TAS2R1: variants seen among roughly 807,000 people sequenced by gnomAD.
The protein encoded by TAS2R1 is taste receptor type 2 member 1.
For missense variants in TAS2R1, 370 were observed against 353.4 expected, an observed-to-expected ratio of 1.05 and a Z score of -0.38; for synonymous variants, 141 against 134.2, an observed-to-expected ratio of 1.05 and a Z score of -0.35.
At chr5:9,683,359 A>G (rs1741062855) in intron 1 of TAS2R1, among the ~76,000 whole-genome samples, 2 of 152,200 alleles carry the variant, frequency 1.3e-5, no homozygotes, top group Non-Finnish European at 2.9e-5. Context: ...GATGATACTC[A>G]CTAGTCATAC....
At chr5:9,777,926 T>C in the TAS2R1 span, among the ~76,000 whole-genome samples, 1 of 146,606 alleles carries the variant, frequency 6.8e-6, no homozygotes, top group Non-Finnish European at 1.5e-5. Context: ...CAGGCCGGAC[T>C]GCGGACTGCA....
At chr5:9,687,636 C>T (rs1741154667) in intron 1 of TAS2R1, among the ~76,000 whole-genome samples, 1 of 152,142 alleles carries the variant, frequency 6.6e-6, no homozygotes, top group South Asian at 2.1e-4. Flanking sequence ...TGAGTTTTCA[C>T]TAACCGTACT....
At chr5:9,828,018 A>G in the TAS2R1 span, among the ~76,000 whole-genome samples, 1 of 152,102 alleles carries the variant, frequency 6.6e-6, no homozygotes, top group Admixed American at 6.6e-5. Context: ...TAGTACCTTC[A>G]TATTTCTGCA....
At chr5:9,823,063 A>G in the TAS2R1 span, among the ~76,000 whole-genome samples, 1 of 152,086 alleles carries the variant, frequency 6.6e-6, no homozygotes, top group South Asian at 2.1e-4. Context: ...AAAACAGAAC[A>G]AGAACTGTCC....
intron 1 of TAS2R1, among the ~76,000 whole-genome samples, chr5:9,706,545 T>C (rs1741616291): frequency 6.6e-6 from 1 of 152,202 alleles, no homozygotes; most frequent in Non-Finnish European, 1.5e-5. Flanking sequence ...AAAATGTCCA[T>C]GCTCCAGGAA....
chr5:9,728,220 G>A, the TAS2R1 span, among the ~76,000 whole-genome samples: 1 of 152,064 alleles, frequency 6.6e-6, no homozygotes, highest in Non-Finnish European at 1.5e-5. Context: ...GCACAACAGA[G>A]ATAATGTAGA....
At chr5:9,804,979 T>C in the TAS2R1 span, among the ~76,000 whole-genome samples, 7 of 151,770 alleles carry the variant, frequency 4.6e-5, no homozygotes, top group Admixed American at 3.9e-4. Flanking sequence ...AAGATAAATA[T>C]AATTGATAGG....
chr5:9,789,561 C>A, the TAS2R1 span, among the ~76,000 whole-genome samples: 1 of 152,170 alleles, frequency 6.6e-6, no homozygotes, highest in African/African-American at 2.4e-5. Flanking sequence ...TTTCAAATGA[C>A]TGAGAAAAAA....
chr5:9,809,173 G>A, the TAS2R1 span, among the ~76,000 whole-genome samples: 55 of 152,292 alleles, frequency 3.6e-4, no homozygotes, highest in African/African-American at 1.3e-3. Context: ...CATACCTCAA[G>A]TCTCTCTTTA....
At chr5:9,725,531 C>T in the TAS2R1 span, among the ~76,000 whole-genome samples, 8 of 152,212 alleles carry the variant, frequency 5.3e-5, no homozygotes, top group African/African-American at 1.2e-4. Context: ...CTCGATTTCT[C>T]GCCAGGCCTT....
the TAS2R1 span, among the ~76,000 whole-genome samples, chr5:9,741,031 G>A: frequency 2.0e-5 from 3 of 152,124 alleles, no homozygotes; most frequent in Non-Finnish European, 2.9e-5. Context: ...CAGAGCAGCC[G>A]CTCATTAAAT....
chr5:9,643,353 C>T (rs1740124054), intron 2 of TAS2R1, among the ~76,000 whole-genome samples: 1 of 152,094 alleles, frequency 6.6e-6, no homozygotes, highest in African/African-American at 2.4e-5. Context: ...AGTTATAACA[C>T]AGTGGTAATT....
chr5:9,725,245 GGAGC>G, the TAS2R1 span, among the ~76,000 whole-genome samples: 1 of 152,248 alleles, frequency 6.6e-6, no homozygotes. Flanking sequence ...CTGCACTGTG[GGAGC>G]CCCCTTCTGG....
upstream of TAS2R1, chr5:9,713,208 C>T (rs1734733254): frequency 6.6e-6 from 1 of 152,092 alleles, no homozygotes; most frequent in Admixed American, 6.5e-5. Flanking sequence ...GAAGAGGAAC[C>T]GTGTCTTATT....
At chr5:9,786,791 A>G in the TAS2R1 span, among the ~76,000 whole-genome samples, 1 of 152,200 alleles carries the variant, frequency 6.6e-6, no homozygotes, top group African/African-American at 2.4e-5. Flanking sequence ...TCCTTTACTG[A>G]GCAATGTAGC....
the TAS2R1 span, among the ~76,000 whole-genome samples, chr5:9,832,102 T>C: frequency 6.6e-6 from 1 of 152,246 alleles, no homozygotes; most frequent in Non-Finnish European, 1.5e-5. Flanking sequence ...GCTTAGGTTC[T>C]TTGTGTCTTT....
the TAS2R1 span, among the ~76,000 whole-genome samples, chr5:9,795,834 G>A: frequency 4.6e-5 from 7 of 152,170 alleles, no homozygotes. Flanking sequence ...GAATTTGTGT[G>A]ACAAATTTGG....
At chr5:9,748,260 T>C in the TAS2R1 span, among the ~76,000 whole-genome samples, 12 of 152,086 alleles carry the variant, frequency 7.9e-5, no homozygotes, top group Admixed American at 2.0e-4. Context: ...TGAGACGGAG[T>C]CTTGCTCTGT....
chr5:9,881,582 G>T, the TAS2R1 span, among the ~76,000 whole-genome samples: 1 of 152,202 alleles, frequency 6.6e-6, no homozygotes, highest in Non-Finnish European at 1.5e-5. Flanking sequence ...AAAGCTGGAA[G>T]TATCATGTGA....
Sources: allele counts gnomAD v4.1 joint callset (sites outside exome capture counted in the v4.1 genomes callset), GRCh38; gene constraint gnomAD v4.1.1; transcripts MANE v1.5; gene names NCBI Gene and HGNC (gene_info 2026-07-23, HGNC 2026-07-21).